The following TTN variants were observed in gnomAD, a reference collection of about 807,000 sequenced individuals.
TTN encodes connectin.
In TTN, 1,525 loss-of-function variants were observed where a neutral mutation model predicts 3,223.0. The ratio of observed to expected loss-of-function variants is 0.47; its 90% CI spans 0.45 to 0.49. TTN has a LOEUF of 0.49. Among genes scored for constraint, TTN ranks in the 20% least tolerant of loss-of-function variants. TTN has a pLI of 0.00. For missense variants in TTN, 40,786 were observed against 43,424.0 expected (o/e 0.94, Z 5.40); for synonymous variants, 14,094 against 15,161.0 (o/e 0.93, Z 5.17).
intron 24 of TTN, 117 bp from the exon 25 acceptor site, chr2:178,778,092 T>G (rs1168239375): frequency 7.6e-7 from 1 of 1,324,004 alleles, no homozygotes; most frequent in East Asian, 2.5e-5. Context: ...TTGCACGTAT[T>G]AGAAGGCACC....
intron 38 of TTN, 144 bp downstream of exon 38, chr2:178,768,529 C>T (rs770742175): frequency 7.2e-5 from 88 of 1,227,704 alleles, no homozygotes; most frequent in African/African-American, 1.1e-4. Flanking sequence ...TGTAGCATAT[C>T]GTAGTGCTTC....
chr2:178,735,893 A>G lies in TTN; in HGVS notation c.14553T>C (p.Ile4851=), dbSNP rs1261471876. Reference sequence around the variant, plus strand: ...GAATGGTAAGGTTTGAGAGTTCTAAAATGTGTTTGTTTTCTGCGTCGGAAA... The same window carrying G: ...GAATGGTAAGGTTTGAGAGTTCTAAGATGTGTTTGTTTTCTGCGTCGGAAA... ...WRISDAENKH[I]LELSNLTIQD... is the part of the protein sequence containing the mutation. The change falls in exon 50 of 363, where the codon ATT becomes ATC. Residue 4851 remains isoleucine, a synonymous_variant. Coordinates refer to ENST00000589042, the MANE Select transcript of TTN (RefSeq NM_001267550.2). The G allele has an allele frequency of 6.2e-7, 1 of 1,613,850 alleles. No homozygotes were observed. Among genetic ancestry groups the G allele is most frequent in the South Asian group, 1.1e-5 (1 of 91,070 alleles).
rs765307374 is a variant in TTN at position 178,552,306 on chromosome 2, A to T, written c.90594T>A (p.His30198Gln). The T allele has an allele frequency of 1.2e-5, 20 of 1,612,234 alleles. No individual in the cohort carries two copies. The highest frequency in any genetic ancestry group is 1.7e-5 in the Non-Finnish European group (20 of 1,179,268). ...CAAGAATAACAGTGTATTTTCCTCC[A>T]TGCTCCTTCTTGGCATTCTTAATAC... ...TLSIKNAKKEHGGKYTVILDN... is the reference protein window; with the variant it reads ...TLSIKNAKKEQGGKYTVILDN... The change falls in exon 335 of 363, where the codon CAT (histidine) becomes CAA (glutamine). Residue 30198 changes from histidine to glutamine, a missense_variant. Transcript: ENST00000589042.
chr2:178,606,969 T>C lies in TTN; in HGVS notation c.53581+52A>G, dbSNP rs1316448684. ...AAGCCATAAAGCTCAGTAAATAATA[T>C]AACTAGAAGCAAAACATTACTCTAT... On this transcript the variant is annotated intron_variant, in intron 278 of 362. Coordinates refer to ENST00000589042, the MANE Select transcript of TTN (RefSeq NM_001267550.2). 14 of 1,563,032 alleles carry C rather than the reference T, an allele frequency of 9.0e-6. No homozygotes were observed. In the Admixed American group the frequency reaches 3.1e-4, roughly 35 times the overall value.
chr2:178,769,617 T>C, intron 37 of TTN, 62 bp downstream of exon 37: 1 of 1,325,264 alleles, frequency 7.5e-7, no homozygotes, highest in Non-Finnish European at 1.0e-6. Context: ...TATCAATGAA[T>C]CTACTGAATA....
chr2:178,724,214 T>C, intron 72 of TTN, 46 bp downstream of exon 72: 1 of 1,585,332 alleles, frequency 6.3e-7, no homozygotes, highest in Non-Finnish European at 8.6e-7. Flanking sequence ...AGGAAACTTG[T>C]AAAAGGAATT....
In TTN at chr2:178,569,915, G is replaced by T; in HGVS notation, c.76217C>A (p.Pro25406Gln). Residue 25406 changes from proline (P) to glutamine (Q), a missense_variant, in exon 326 of 363, where the codon CCA becomes CAA. Physicochemically the swap from Pro to Gln is moderately conservative, Grantham distance 76. Coordinates refer to ENST00000589042, the MANE Select transcript of TTN (RefSeq NM_001267550.2). ...YQKACDPIYK[P>Q]GPPNNPKVID... is the part of the protein sequence containing the mutation. ...GACTTTGGGGTTGTTTGGGGGTCCT[G>T]GTTTATAAATAGGATCACAAGCCTT... The T allele has an allele frequency of 1.9e-6, 3 of 1,613,248 alleles. No individual in the cohort carries two copies. Among genetic ancestry groups the T allele is most frequent in the Non-Finnish European group, 2.5e-6 (3 of 1,179,544 alleles).
Position 178,712,870 on chromosome 2 carries a change from C to A in TTN, c.27155G>T (p.Trp9052Leu). 2 of 1,613,720 alleles carry A rather than the reference C, an allele frequency of 1.2e-6. No individual in the cohort carries two copies. Among genetic ancestry groups the A allele is most frequent in the Non-Finnish European group, 1.7e-6 (2 of 1,179,736 alleles). Reference protein sequence around the residue: ...VKGTPPFSVSWFKGSSELVPG... With the variant: ...VKGTPPFSVSLFKGSSELVPG... ...TACTAGTTCACTGCTACCTTTGAAC[C>A]AGCTAACACTGAAAGGAGGTGTTCC... The change falls in exon 94 of 363, where the codon TGG becomes TTG. Residue 9052 changes from tryptophan (W) to leucine (L), a missense_variant. Trp to Leu is a moderately conservative substitution (Grantham distance 61). Transcript: ENST00000589042.
Position 178,617,450 on chromosome 2 carries a change from T to G in TTN, c.47635A>C (p.Lys15879Gln), listed in dbSNP as rs2057553844. 1 of 1,598,590 alleles carries G rather than the reference T, an allele frequency of 6.3e-7. No homozygotes were observed. Among genetic ancestry groups the G allele is most frequent in the African/African-American group, 1.4e-5 (1 of 74,064 alleles). The change falls in exon 254 of 363, where the codon AAA becomes CAA. Residue 15879 changes from lysine to glutamine, a missense_variant. Lys to Gln is a moderately conservative substitution (Grantham distance 53). Transcript: ENST00000589042. ...CCATCTTTCAGAGGAGGTTCCCATT[T>G]GAGCTGAACTGATGACTGAGTCTGA... is the stretch of plus-strand genomic sequence containing the variant. ...SDQTQSSVQLKWEPPLKDGGS... is the reference protein window; with the variant it reads ...SDQTQSSVQLQWEPPLKDGGS...
At chr2:178,538,876 T>G in intron 353 of TTN, 37 bp from the exon 354 acceptor site, 1 of 1,580,928 alleles carries the variant, frequency 6.3e-7, no homozygotes. Context: ...GGAGTCAGCT[T>G]TACTGGTGAA....
At position 178,678,426 on chromosome 2, in the gene TTN, G is replaced by A; in HGVS notation, c.33898C>T (p.Pro11300Ser). The A allele has an allele frequency of 1.3e-6, 2 of 1,589,436 alleles. No homozygotes were observed. The highest frequency in any genetic ancestry group is 1.7e-6 in the Non-Finnish European group (2 of 1,167,564). Residue 11300 changes from proline (P) to serine (S), a missense_variant, in exon 144 of 363, where the codon CCA becomes TCA. Physicochemically the swap from Pro to Ser is moderately conservative, Grantham distance 74. Coordinates refer to ENST00000589042, the MANE Select transcript of TTN (RefSeq NM_001267550.2). Reference sequence around the variant, plus strand: ...TGAAATTATGTACCTTTTGCAGGTGGAGCCTCCACTTTCTTAGGAGCAGGA... The same window carrying A: ...TGAAATTATGTACCTTTTGCAGGTGAAGCCTCCACTTTCTTAGGAGCAGGA... Reference protein sequence around the residue: ...PVPAPKKVEAPPAKVPEVPKK... With the variant: ...PVPAPKKVEASPAKVPEVPKK...
At chr2:178,753,999 C>T (rs942554078) in intron 46 of TTN, 9 of 151,932 alleles carry the variant, frequency 5.9e-5, no homozygotes, top group South Asian at 2.1e-4. Context: ...CTCTGGCTTG[C>T]GATTCTTTTG....
Position 178,741,304 on chromosome 2 carries a change from G to A in TTN, c.11929C>T (p.Gln3977Ter). The change falls in exon 48 of 363, where the codon CAG becomes TAG. Residue 3977 changes from glutamine to a stop codon, truncating the protein, a stop_gained. Transcript: ENST00000589042. LOFTEE classifies it high-confidence loss of function. ...GTGTAATAAACACTGGTGCAAAGCT[G>A]CTTGTTTTCTTTGAACCATGTAACA... ...PTVTWFKENK[Q>*]LCTSVYYTII... 1.2e-6 allele frequency: 2 copies of A among 1,613,924 alleles called. No individual in the cohort carries two copies. The highest frequency in any genetic ancestry group is 1.7e-6 in the Non-Finnish European group (2 of 1,179,844).
rs372662393 is a variant in TTN, at chr2:178,573,966, G to A, written c.72166C>T (p.Arg24056Cys). The A allele has an allele frequency of 2.3e-5, 37 of 1,613,282 alleles. No individual in the cohort carries two copies. The African/African-American group carries it at 2.5e-4, about 11-fold the overall frequency. ...AFRLEADVSG[R>C]PPPTMEWSKD... ...CTCCATTCCATTGTTGGAGGTGGGC[G>A]GCCTGAAACATCAGCTTCCAGTCTG... Residue 24056 changes from arginine (R) to cysteine (C), a missense_variant, in exon 326 of 363, where the codon CGC becomes TGC. By Grantham distance (180) the Arg-to-Cys change is radical. Transcript: ENST00000589042.
At chr2:178,674,980 T>A (rs1289939811) in intron 150 of TTN, 59 bp downstream of exon 150, 1 of 1,045,650 alleles carries the variant, frequency 9.6e-7, no homozygotes, top group African/African-American at 1.7e-5. Context: ...ACTTCAAATA[T>A]TAGACAATAA....
chr2:178,545,431 C>T lies in TTN; in HGVS notation c.95679G>A (p.Glu31893=). 1 of 1,602,934 alleles carries T rather than the reference C, an allele frequency of 6.2e-7. No individual in the cohort carries two copies. Among genetic ancestry groups the T allele is most frequent in the Non-Finnish European group, 8.5e-7 (1 of 1,171,814 alleles). The part of the protein sequence containing the change: ...VTAVNAAGNS[E]PSEASNFISC... Reference sequence around the variant, plus strand: ...AGATGAAGTTGGAAGCTTCGCTGGGCTCACTGTTACCAGCTGCATTCACTG... The same window carrying T: ...AGATGAAGTTGGAAGCTTCGCTGGGTTCACTGTTACCAGCTGCATTCACTG... The change falls in exon 344 of 363, where the codon GAG becomes GAA. Residue 31893 remains glutamate, a synonymous_variant. Coordinates refer to ENST00000589042, the MANE Select transcript of TTN (RefSeq NM_001267550.2).
At chr2:178,766,654 A>T (rs1309157200) in intron 40 of TTN, 42 bp from the exon 41 acceptor site, 1 of 1,513,242 alleles carries the variant, frequency 6.6e-7, no homozygotes, top group East Asian at 2.3e-5. Context: ...CAACAACAAA[A>T]ACTTGAAGCT....
rs753718661 is a variant in TTN at position 178,579,029 on chromosome 2, A to T, written c.68001T>A (p.Pro22667=). The change falls in exon 320 of 363, where the codon CCT becomes CCA. Residue 22667 remains proline (P), a synonymous_variant. Transcript: ENST00000589042. ...TTTCAGAACCTCCATCATCCTTTGG[A>T]GGAGCCCACTTTAAGGTCATGGCTT... ...TAEAMTLKWA[P]PKDDGGSEIT... 1 of 1,613,230 alleles carries T rather than the reference A, an allele frequency of 6.2e-7. No homozygotes were observed. The highest frequency in any genetic ancestry group is 8.5e-7 in the Non-Finnish European group (1 of 1,179,518).
At position 178,534,725 on chromosome 2, in the gene TTN, G is replaced by T. The variant is rs779064623; in HGVS notation, c.101890C>A (p.Arg33964Ser). Residue 33964 changes from arginine to serine, a missense_variant, in exon 358 of 363, where the codon CGT (arginine) becomes AGT (serine). Coordinates refer to ENST00000589042, the MANE Select transcript of TTN (RefSeq NM_001267550.2). ...AAGTTGTCCCCTGGTTTCAGCTGAC[G>T]GGCTTGACCAAATTCTATGATTTTA... is the stretch of plus-strand genomic sequence containing the variant. ...TIKIIEFGQA[R>S]QLKPGDNFRL... is the part of the protein sequence containing the mutation. 136 of 1,613,646 alleles carry T rather than the reference G, an allele frequency of 8.4e-5. No homozygotes were observed. Among genetic ancestry groups the T allele is most frequent in the Non-Finnish European group, 1.1e-4 (132 of 1,179,782 alleles).
Sources: gnomAD v4.1 joint callset for allele counts on GRCh38, gnomAD v4.1.1 for gene constraint, MANE v1.5 for transcripts, NCBI Gene and HGNC (gene_info 2026-07-23, HGNC 2026-07-21) for gene names.